RASGEF1C: variants seen among roughly 807,000 people sequenced by gnomAD.
The protein encoded by RASGEF1C is ras-GEF domain-containing family member 1C.
A neutral mutation model predicts 58.1 loss-of-function variants in RASGEF1C; 27 were observed. The observed-to-expected ratio is 0.46, with a 90% CI of 0.34 to 0.64. RASGEF1C has a LOEUF of 0.64. Ranked by LOEUF, RASGEF1C falls within the 30% of genes least tolerant of loss-of-function variation. RASGEF1C has a pLI of 0.01. For missense variants in RASGEF1C, 502 were observed against 605.1 expected, an observed-to-expected ratio of 0.83 and a Z score of 1.79; for synonymous variants, 243 against 246.3, an observed-to-expected ratio of 0.99 and a Z score of 0.13.
intron 4 of RASGEF1C, among the ~76,000 whole-genome samples, chr5:180,130,048 G>T (rs369791774): frequency 1.3e-5 from 2 of 152,214 alleles, no homozygotes; most frequent in Admixed American, 6.5e-5. Flanking sequence ...CACTTACTGC[G>T]CACCCACTGT....
intron 1 of RASGEF1C, among the ~76,000 whole-genome samples, chr5:180,169,789 C>A (rs1767075430): frequency 7.2e-6 from 1 of 139,546 alleles, no homozygotes; most frequent in African/African-American, 2.5e-5. Context: ...GCACCCACCC[C>A]CCGACCCCAT....
At chr5:180,191,413 G>A (rs1356376895) in intron 1 of RASGEF1C, among the ~76,000 whole-genome samples, 5 of 151,896 alleles carry the variant, frequency 3.3e-5, no homozygotes, top group East Asian at 3.9e-4. Flanking sequence ...CTGGAGTGCA[G>A]TGGCGCGATC....
intron 6 of RASGEF1C, among the ~76,000 whole-genome samples, chr5:180,121,789 C>T (rs574773375): frequency 3.3e-5 from 5 of 152,242 alleles, no homozygotes; most frequent in Admixed American, 1.3e-4. Flanking sequence ...CACACGTGTG[C>T]GGTGGCAAAA....
chr5:180,152,085 A>C (rs981036362), intron 1 of RASGEF1C, among the ~76,000 whole-genome samples: 2 of 150,890 alleles, frequency 1.3e-5, no homozygotes, highest in African/African-American at 4.8e-5. Context: ...GCTGGAGAGG[A>C]TGTGGAGAAA....
intron 1 of RASGEF1C, among the ~76,000 whole-genome samples, chr5:180,178,062 G>C (rs1223586078): frequency 6.6e-6 from 1 of 151,492 alleles, no homozygotes; most frequent in Non-Finnish European, 1.5e-5. Context: ...CGCCTCCCAG[G>C]TTCAAGTGAT....
chr5:180,111,345 G>C, intron 12 of RASGEF1C, 112 bp downstream of exon 12: 2 of 1,418,524 alleles, frequency 1.4e-6, no homozygotes, highest in Non-Finnish European at 1.9e-6. Context: ...GCCAGCCCAG[G>C]TGGGCAGGGT....
At chr5:180,169,860 AG>A (rs1767078203) in intron 1 of RASGEF1C, among the ~76,000 whole-genome samples, 1 of 128,944 alleles carries the variant, frequency 7.8e-6, no homozygotes, top group Admixed American at 9.2e-5. Context: ...CCCCCTGTGC[AG>A]GCTGCCTTCC....
At chr5:180,136,581 C>T (rs1400064749) in intron 3 of RASGEF1C, 66 bp from the exon 4 acceptor site, 8 of 1,504,128 alleles carry the variant, frequency 5.3e-6, no homozygotes, top group East Asian at 5.0e-5. Flanking sequence ...CCTCACTGCG[C>T]GTCCTTGCGG....
At chr5:180,108,710 T>C (rs985922358) in intron 12 of RASGEF1C, among the ~76,000 whole-genome samples, 24 of 152,326 alleles carry the variant, frequency 1.6e-4, no homozygotes, top group African/African-American at 5.5e-4. Flanking sequence ...ACTTTCTATA[T>C]TTTCATTTGC....
At chr5:180,129,494 C>T (rs1766325148) in intron 4 of RASGEF1C, among the ~76,000 whole-genome samples, 2 of 152,186 alleles carry the variant, frequency 1.3e-5, no homozygotes, top group African/African-American at 4.8e-5. Context: ...AGCAGCACCC[C>T]AGGGCCCTGG....
At chr5:180,113,343 C>T (rs1412080705) in intron 11 of RASGEF1C, among the ~76,000 whole-genome samples, 2 of 37,122 alleles carry the variant, frequency 5.4e-5, no homozygotes, top group Middle Eastern at 0.019. Context: ...ACGGAGGGAC[C>T]GGGGATGGAC....
In RASGEF1C at chr5:180,137,506, C is replaced by T; in HGVS notation, c.300+84G>A. 2 of 1,529,950 alleles carry T rather than the reference C, an allele frequency of 1.3e-6. No individual in the cohort carries two copies. The highest frequency in any genetic ancestry group is 2.3e-4 in the Middle Eastern group (1 of 4,354). 94.8% of individuals were successfully genotyped at this position (1,529,950 alleles called of 1,614,324 possible). ...GTCAGGAAAACGGGGACAATCATTG[C>T]CTCCCCGAGAGGCTGATGCGTTGAG... On this transcript the variant is annotated intron_variant, in intron 3 of 13. Coordinates refer to ENST00000361132, the MANE Select transcript of RASGEF1C (RefSeq NM_175062.4). The surrounding 1 kb of genome is among the most constrained non-coding windows in gnomAD (Gnocchi z 4.1).
intron 1 of RASGEF1C, among the ~76,000 whole-genome samples, chr5:180,191,419 C>T (rs1027339928): frequency 4.6e-5 from 7 of 152,154 alleles, no homozygotes; most frequent in South Asian, 2.1e-4. Context: ...TGCAGTGGCG[C>T]GATCTCAGCT....
rs151116945 is a variant in RASGEF1C, at chr5:180,201,882, A to T, written c.-7+7146T>A. Among the ~76,000 whole-genome samples, 1,020 of 152,338 alleles carry T rather than the reference A, an allele frequency of 6.7e-3. 40 individuals are homozygous for T. Among genetic ancestry groups the T allele is most frequent in the Admixed American group, 0.059 (910 of 15,300 alleles). ...ATCTGCGAACCAGGATGCGGCCCTC[A>T]CCAAATACCTTGATCTTGTACCTCC... On this transcript the variant is annotated intron_variant, in intron 1 of 13. Transcript: ENST00000361132.
At position 180,136,520 on chromosome 5, in the gene RASGEF1C, G is replaced by A. The variant is rs775110060; in HGVS notation, c.301-5C>T. On this transcript the variant is annotated splice_region_variant and splice_polypyrimidine_tract_variant and intron_variant, in intron 3 of 13. Coordinates refer to ENST00000361132, the MANE Select transcript of RASGEF1C (RefSeq NM_175062.4). ...GCCGAACTTCCGGACCCGGGCCTAC[G>A]GGCAAGCGAGGGGCACCGCGCTCGT... 2.5e-6 allele frequency: 4 copies of A among 1,569,930 alleles called. No individual in the cohort carries two copies. Among genetic ancestry groups the A allele is most frequent in the Non-Finnish European group, 2.6e-6 (3 of 1,157,046 alleles).
chr5:180,129,301 C>T (rs1204296251), intron 4 of RASGEF1C, among the ~76,000 whole-genome samples: 1 of 152,222 alleles, frequency 6.6e-6, no homozygotes, highest in South Asian at 2.1e-4. Flanking sequence ...GGACAACTGC[C>T]CGGCTAACCA....
chr5:180,208,857 C>T (rs1286772645), intron 1 of RASGEF1C, among the ~76,000 whole-genome samples, 171 bp downstream of exon 1: 2 of 150,610 alleles, frequency 1.3e-5, no homozygotes, highest in Non-Finnish European at 3.0e-5. Flanking sequence ...CGCCTCCAGT[C>T]CCGGCGGCCG....
intron 1 of RASGEF1C, among the ~76,000 whole-genome samples, chr5:180,149,810 T>C (rs3954743): frequency 0.93 from 141,138 of 152,292 alleles, 66,327 homozygotes; most frequent in East Asian, 1. Flanking sequence ...ATATTCTCTA[T>C]TTGTTGTTGT....
chr5:180,122,780 A>G (rs1275546860), intron 6 of RASGEF1C, among the ~76,000 whole-genome samples: 9 of 151,240 alleles, frequency 6.0e-5, no homozygotes, highest in African/African-American at 2.2e-4. Context: ...CAAAAAACAA[A>G]AAAAAATCCC....
Sources: gnomAD v4.1 joint callset for allele counts (sites outside exome capture counted in the v4.1 genomes callset) on GRCh38, gnomAD v4.1.1 for gene constraint, Gnocchi (gnomAD v3.1) non-coding constraint, MANE v1.5 for transcripts, NCBI Gene and HGNC (gene_info 2026-07-23, HGNC 2026-07-21) for gene names.